Variants in CNTN4 observed in about 807,000 individuals in gnomAD.
The protein encoded by CNTN4 is contactin 4, also known as contactin-4.
Under a neutral mutation model 122.5 loss-of-function variants are expected in CNTN4, and 77 were observed. That is an observed-to-expected ratio of 0.63 (90% CI 0.52 to 0.76). The LOEUF is 0.76. Among genes scored for constraint, CNTN4 ranks in the 30% least tolerant of loss-of-function variants. CNTN4 has a pLI of 0.00. For synonymous variants in CNTN4, 512 were observed against 447.0 expected (o/e 1.15, Z -1.83); for missense variants, 1,256 against 1,259.1 (o/e 1.00, Z 0.04).
intron 3 of CNTN4, among the ~76,000 whole-genome samples, chr3:2,477,001 C>T (rs1406818143): frequency 3.9e-5 from 6 of 152,142 alleles, no homozygotes; most frequent in African/African-American, 7.2e-5. Context: ...GAGAATGACA[C>T]AGCTGGAAGG....
chr3:2,634,976 T>C (rs560690683), intron 4 of CNTN4, among the ~76,000 whole-genome samples: 1 of 152,314 alleles, frequency 6.6e-6, no homozygotes, highest in Non-Finnish European at 1.5e-5. Flanking sequence ...AGACCTGGTA[T>C]GTGCCACTCA....
At chr3:2,246,348 G>A (rs2040148348) in intron 2 of CNTN4, among the ~76,000 whole-genome samples, 1 of 151,928 alleles carries the variant, frequency 6.6e-6, no homozygotes, top group Non-Finnish European at 1.5e-5. Flanking sequence ...GGGATAATAA[G>A]GAAAGCATTT....
intron 2 of CNTN4, among the ~76,000 whole-genome samples, chr3:2,218,733 G>A (rs1316164267): frequency 6.6e-6 from 1 of 152,156 alleles, no homozygotes; most frequent in Non-Finnish European, 1.5e-5. Context: ...TTTACATACA[G>A]CAAAGAAGGA....
chr3:2,194,164 A>G (rs915910618), intron 2 of CNTN4, among the ~76,000 whole-genome samples: 1 of 152,134 alleles, frequency 6.6e-6, no homozygotes, highest in Non-Finnish European at 1.5e-5. Flanking sequence ...TATATGTATA[A>G]TTATAGAAAG....
At chr3:2,360,556 A>G (rs2045089320) in intron 3 of CNTN4, among the ~76,000 whole-genome samples, 1 of 152,138 alleles carries the variant, frequency 6.6e-6, no homozygotes, top group Admixed American at 6.6e-5. Context: ...AGACTGGGTA[A>G]TTTATAAAGG....
intron 3 of CNTN4, among the ~76,000 whole-genome samples, chr3:2,548,898 T>C (rs1169582028): frequency 1.3e-5 from 2 of 152,094 alleles, no homozygotes; most frequent in Non-Finnish European, 1.5e-5. Flanking sequence ...TTGCATCCCT[T>C]GTAAGGTGTA....
intron 12 of CNTN4, among the ~76,000 whole-genome samples, chr3:2,919,082 G>A (rs1011461672): frequency 1.7e-4 from 26 of 151,990 alleles, no homozygotes; most frequent in African/African-American, 5.8e-4. Context: ...GGTGGCTTAC[G>A]CCTATAATCC....
chr3:2,534,125 C>T (rs2077706574), intron 3 of CNTN4, among the ~76,000 whole-genome samples: 1 of 152,126 alleles, frequency 6.6e-6, no homozygotes. Flanking sequence ...TCCCATTTGC[C>T]AATTTTGGCT....
intron 2 of CNTN4, among the ~76,000 whole-genome samples, chr3:2,243,941 A>G (rs941755790): frequency 4.6e-5 from 7 of 152,050 alleles, no homozygotes; most frequent in African/African-American, 1.7e-4. Flanking sequence ...GTGAAAAAGC[A>G]GAATGTATCT....
In CNTN4 at chr3:2,920,973, T is replaced by C. The variant is rs182016209; in HGVS notation, c.1208-4656T>C. ...GGGGCACATCATGCTAACATCAAAA[T>C]GGAAAAATCATCTACTTCAGAGTTG... On this transcript the variant is annotated intron_variant, in intron 12 of 24. Coordinates refer to ENST00000418658, the MANE Select transcript of CNTN4 (RefSeq NM_175607.3). Among the ~76,000 whole-genome samples the C allele has an allele frequency of 2.7e-4, 41 of 152,230 alleles. No individual in the cohort carries two copies. In the East Asian group the frequency reaches 6.6e-3, roughly 24 times the overall value.
At chr3:2,488,964 A>G (rs1047395164) in intron 3 of CNTN4, among the ~76,000 whole-genome samples, 4 of 152,264 alleles carry the variant, frequency 2.6e-5, no homozygotes, top group African/African-American at 4.8e-5. Flanking sequence ...ATAATACAAT[A>G]GAGTCCAAAT....
At chr3:2,138,902 G>C (rs946667001) in intron 2 of CNTN4, among the ~76,000 whole-genome samples, 1 of 151,854 alleles carries the variant, frequency 6.6e-6, no homozygotes, top group African/African-American at 2.4e-5. Context: ...TGGATATATC[G>C]CCTATGGGTT....
intron 3 of CNTN4, among the ~76,000 whole-genome samples, chr3:2,477,131 G>T (rs1284945783): frequency 6.6e-6 from 1 of 152,142 alleles, no homozygotes; most frequent in Non-Finnish European, 1.5e-5. Flanking sequence ...GCACAGGCTG[G>T]GTTCCTCAGG....
chr3:2,590,251 C>G (rs1576124438), intron 4 of CNTN4, among the ~76,000 whole-genome samples: 1 of 152,222 alleles, frequency 6.6e-6, no homozygotes, highest in South Asian at 2.1e-4. Flanking sequence ...TATCACCTTT[C>G]TTCTTTTTTT....
chr3:2,629,445 G>A (rs949982932), intron 4 of CNTN4: 1 of 376,704 alleles, frequency 2.7e-6, no homozygotes, highest in Non-Finnish European at 5.3e-6. Context: ...ATTTTCCCAA[G>A]TCCGGTGATC....
intron 7 of CNTN4, among the ~76,000 whole-genome samples, chr3:2,845,331 T>C (rs973523607): frequency 2.0e-5 from 3 of 152,052 alleles, no homozygotes; most frequent in Admixed American, 6.6e-5. Flanking sequence ...ACAACCCTAG[T>C]CCACTGTCAA....
chr3:3,032,855 A>G (rs528824876), intron 16 of CNTN4, among the ~76,000 whole-genome samples: 1 of 152,320 alleles, frequency 6.6e-6, no homozygotes, highest in Non-Finnish European at 1.5e-5. Flanking sequence ...ATTTTGAAAG[A>G]GGGAGTCCAC....
At chr3:2,775,896 C>G (rs950185129) in intron 6 of CNTN4, among the ~76,000 whole-genome samples, 1 of 152,100 alleles carries the variant, frequency 6.6e-6, no homozygotes, top group African/African-American at 2.4e-5. Context: ...AATACCAACA[C>G]CTAGCATTGG....
intron 6 of CNTN4, among the ~76,000 whole-genome samples, chr3:2,816,225 G>T (rs1286822702): frequency 6.8e-6 from 1 of 146,682 alleles, no homozygotes; most frequent in Non-Finnish European, 1.5e-5. Context: ...GTGGTGGCGG[G>T]CGCCTGTAGT....
Sources: gnomAD v4.1 joint callset for allele counts (sites outside exome capture counted in the v4.1 genomes callset) on GRCh38, gnomAD v4.1.1 for gene constraint, MANE v1.5 for transcripts, NCBI Gene and HGNC (gene_info 2026-07-23, HGNC 2026-07-21) for gene names.